Variants in TBC1D9B observed in about 807,000 individuals in gnomAD.
TBC1D9B encodes the protein TBC1 domain family, member 9B (with GRAM domain).
TBC1D9B carries 87 observed loss-of-function variants against 121.1 expected under a neutral mutation model. That is an observed-to-expected ratio of 0.72 (90% CI 0.60 to 0.86). The LOEUF (loss-of-function observed/expected upper bound fraction) is 0.86, where lower values mean the gene tolerates loss of function less well. Among genes scored for constraint, TBC1D9B ranks in the 40% least tolerant of loss-of-function variants. TBC1D9B has a pLI of 0.00. For missense variants in TBC1D9B, 1,540 were observed against 1,628.6 expected (o/e 0.95, Z 0.94); for synonymous variants, 668 against 670.1 (o/e 1.00, Z 0.05).
Position 179,874,796 on chromosome 5 carries a change from C to T in TBC1D9B, c.2186+106G>A. 5 of 1,501,932 alleles carry T rather than the reference C, an allele frequency of 3.3e-6. No homozygotes were observed. The highest frequency in any genetic ancestry group is 4.5e-6 in the Non-Finnish European group (5 of 1,123,452). 93.0% of individuals were successfully genotyped at this position (1,501,932 alleles called of 1,614,324 possible). A position where few individuals can be genotyped will look rare whatever the true frequency, so the allele number is the denominator to read the frequency against. ...GAGCACCCCCGGGTCCAGCTGCAGC[C>T]TGGCACTTGGTGGGCACAGTCACTT... is the stretch of plus-strand genomic sequence containing the variant. On this transcript the variant is annotated intron_variant, in intron 12 of 20. Transcript: ENST00000355235. The surrounding 1 kb of genome is among the most constrained non-coding windows in gnomAD (Gnocchi z 4.3).
chr5:179,863,617 T>TCGGTGTCGA lies in TBC1D9B; in HGVS notation c.3524_3532dup (p.Val1175_Thr1177dup). On this transcript the variant is annotated inframe_insertion, in exon 21 of 21. Coordinates refer to ENST00000355235, the MANE Select transcript of TBC1D9B (RefSeq NM_015043.4). This position sits in a 1 kb window ranked among gnomAD's most constrained non-coding sequence, Gnocchi z 4.5. ...GATCTGCTCAAAGGAGATGCACCAG[T>TCGGTGTCGA]CGGTGTCGACGGTGCCGCCGATGCG... 1 of 1,613,890 alleles carries TCGGTGTCGA rather than the reference T, an allele frequency of 6.2e-7. No individual in the cohort carries two copies.
chr5:179,899,087 A>C, intron 3 of TBC1D9B, 102 bp downstream of exon 3: 2 of 951,956 alleles, frequency 2.1e-6, no homozygotes, highest in Non-Finnish European at 3.2e-6. Flanking sequence ...CACCTTTGTA[A>C]AATGGGGACG....
chr5:179,871,327 C>T lies in TBC1D9B; in HGVS notation c.2484+135G>A, dbSNP rs570380706. 9.7e-5 allele frequency: 85 copies of T among 872,276 alleles called. No homozygotes were observed. In the African/African-American group the frequency reaches 1.4e-3, roughly 14 times the overall value. The allele number at this position is 872,276 out of a possible 1,614,324, so 54.0% of individuals were successfully genotyped here. A position where few individuals can be genotyped will look rare whatever the true frequency, so the allele number is the denominator to read the frequency against. ...CATGGCAACTGCATCTGAGGATGCACTTAGATCTGTTTCTGTTTTTCTATT... is the reference window on the plus strand; with the variant it reads ...CATGGCAACTGCATCTGAGGATGCATTTAGATCTGTTTCTGTTTTTCTATT... On this transcript the variant is annotated intron_variant, in intron 15 of 20. Transcript: ENST00000355235.
At chr5:179,869,068 GA>G (rs1582075421) in intron 17 of TBC1D9B, 1 of 157,580 alleles carries the variant, frequency 6.3e-6, no homozygotes, top group African/African-American at 2.4e-5. Flanking sequence ...CTCCTCGGGT[GA>G]AGCTCAGCCC....
chr5:179,882,936 CCTT>C (rs1760581847), intron 7 of TBC1D9B, among the ~76,000 whole-genome samples: 1 of 152,170 alleles, frequency 6.6e-6, no homozygotes, highest in Non-Finnish European at 1.5e-5. Flanking sequence ...ATTGCAACCT[CCTT>C]CTCCCACCTC....
At chr5:179,880,579 C>T (rs754268397) in intron 7 of TBC1D9B, among the ~76,000 whole-genome samples, 1 of 152,220 alleles carries the variant, frequency 6.6e-6, no homozygotes, top group Non-Finnish European at 1.5e-5. Context: ...TAAAACACTT[C>T]ACATTCTGTG....
At position 179,893,339 on chromosome 5, in the gene TBC1D9B, C is replaced by T. The variant is rs769688485; in HGVS notation, c.706G>A (p.Glu236Lys). ...LFFSMFLNIG[E>K]TFKLMEQLAN... is the part of the protein sequence containing the mutation. ...AACTGCTCCATGAGCTTGAAGGTCT[C>T]GCCGATGTTGAGGAACATGGAGAAG... is the stretch of plus-strand genomic sequence containing the variant. Residue 236 changes from glutamate to lysine, a missense_variant, in exon 5 of 21, where the codon GAG becomes AAG. Coordinates refer to ENST00000355235, the MANE Select transcript of TBC1D9B (RefSeq NM_015043.4). The T allele has an allele frequency of 2.0e-5, 32 of 1,614,070 alleles. No homozygotes were observed. Among genetic ancestry groups the T allele is most frequent in the South Asian group, 5.5e-5 (5 of 91,088 alleles).
At chr5:179,892,253 A>G (rs1182740461) in intron 5 of TBC1D9B, among the ~76,000 whole-genome samples, 1 of 152,212 alleles carries the variant, frequency 6.6e-6, no homozygotes, top group Non-Finnish European at 1.5e-5. Context: ...GTCATGTTCC[A>G]TCTCTGCTCG....
Position 179,893,377 on chromosome 5 carries a change from T to C in TBC1D9B, c.668A>G (p.Asp223Gly). 1 of 1,614,102 alleles carries C rather than the reference T, an allele frequency of 6.2e-7. No homozygotes were observed. The highest frequency in any genetic ancestry group is 8.5e-7 in the Non-Finnish European group (1 of 1,180,006). Residue 223 changes from aspartate to glycine, a missense_variant, in exon 5 of 21, where the codon GAC (aspartate) becomes GGC (glycine). Asp to Gly is a moderately conservative substitution (Grantham distance 94). Transcript: ENST00000355235. ...GAACATGGAGAAGAAGAGCTCCTGG[T>C]CGCGGGTGTCCACACGGATGCTCTC... ...FPESIRVDTR[D>G]QELFFSMFLN...
At chr5:179,871,366 C>T in intron 15 of TBC1D9B, 96 bp downstream of exon 15, 2 of 1,234,618 alleles carry the variant, frequency 1.6e-6, no homozygotes, top group Non-Finnish European at 2.3e-6. Flanking sequence ...TTCCCTATTT[C>T]TATCTACTTC....
At chr5:179,883,658 G>A (rs894984277) in intron 7 of TBC1D9B, among the ~76,000 whole-genome samples, 9 of 151,706 alleles carry the variant, frequency 5.9e-5, no homozygotes, top group Admixed American at 6.6e-5. Flanking sequence ...AGTTTCTGTC[G>A]TTTTTCTAAT....
In TBC1D9B at chr5:179,893,474, C is replaced by A; in HGVS notation, c.578-7G>T. On this transcript the variant is annotated splice_polypyrimidine_tract_variant and splice_region_variant and intron_variant, in intron 4 of 20. Coordinates refer to ENST00000355235, the MANE Select transcript of TBC1D9B (RefSeq NM_015043.4). The stretch of plus-strand genomic sequence containing the variant: ...CACTGCACCACGAGGCTCACTGTGC[C>A]CACAGAGATAGACACACCGCAAGTT... 1 of 1,592,192 alleles carries A rather than the reference C, an allele frequency of 6.3e-7. No individual in the cohort carries two copies.
chr5:179,906,621 G>A (rs1171616207), intron 1 of TBC1D9B, among the ~76,000 whole-genome samples: 8 of 152,204 alleles, frequency 5.3e-5, no homozygotes, highest in African/African-American at 1.7e-4. Context: ...GCTGGATCTA[G>A]GAGGCGGGTC....
At chr5:179,892,850 T>C (rs573662456) in intron 5 of TBC1D9B, among the ~76,000 whole-genome samples, 67 of 152,312 alleles carry the variant, frequency 4.4e-4, no homozygotes, top group African/African-American at 1.3e-3. Flanking sequence ...ACATCCTGGC[T>C]CCACTGCTCA....
At chr5:179,870,612 G>T in intron 15 of TBC1D9B, 117 bp from the exon 16 acceptor site, 1 of 1,419,490 alleles carries the variant, frequency 7.0e-7, no homozygotes, top group Non-Finnish European at 9.3e-7. Flanking sequence ...GCCCTGGGGC[G>T]GTAAGCACGG....
At chr5:179,898,230 C>A (rs1761070935) in intron 3 of TBC1D9B, among the ~76,000 whole-genome samples, 1 of 151,152 alleles carries the variant, frequency 6.6e-6, no homozygotes, top group Non-Finnish European at 1.5e-5. Flanking sequence ...TGGCTCACTG[C>A]AAACTCTGCT....
chr5:179,887,296 A>ATAAACAGCACCTCAAGCC (rs1468536359), intron 7 of TBC1D9B, among the ~76,000 whole-genome samples: 6 of 152,246 alleles, frequency 3.9e-5, no homozygotes, highest in Admixed American at 3.9e-4. Flanking sequence ...CTTGTTGGGA[A>ATAAACAGCACCTCAAGCC]TAAACAGCAC....
rs779857266 is a variant in TBC1D9B at position 179,863,825 on chromosome 5, C to G, written c.3325G>C (p.Val1109Leu). Residue 1109 changes from valine to leucine, a missense_variant, in exon 21 of 21, where the codon GTG becomes CTG. Transcript: ENST00000355235. This position sits in a 1 kb window ranked among gnomAD's most constrained non-coding sequence, Gnocchi z 4.5. ...TCGCCGCTGCCCCCCTCCACCACCA[C>G]CTGGCTCTCCTGTGGGGCTTTTCCG... ...HLGKAPQESQ[V>L]VVEGGSGEGQ... is the part of the protein sequence containing the mutation. The G allele has an allele frequency of 1.2e-6, 2 of 1,613,672 alleles. No individual in the cohort carries two copies. The highest frequency in any genetic ancestry group is 1.1e-5 in the South Asian group (1 of 91,078).
chr5:179,877,664 C>CAAAAAAAA (rs564753950), intron 10 of TBC1D9B, among the ~76,000 whole-genome samples: 6 of 66,674 alleles, frequency 9.0e-5, no homozygotes, highest in African/African-American at 1.7e-4. Flanking sequence ...GATTCTATCT[C>CAAAAAAAA]AAAAAAAAAA....
Sources: gnomAD v4.1 joint callset for allele counts (sites outside exome capture counted in the v4.1 genomes callset) on GRCh38, gnomAD v4.1.1 for gene constraint, Gnocchi (gnomAD v3.1) non-coding constraint, MANE v1.5 for transcripts, NCBI Gene and HGNC (gene_info 2026-07-23, HGNC 2026-07-21) for gene names.